ZNF516: variants seen among roughly 807,000 people sequenced by gnomAD.
ZNF516 encodes the protein zinc finger protein 516.
Under a neutral mutation model 79.7 loss-of-function variants are expected in ZNF516, and 19 were observed. The ratio of observed to expected loss-of-function variants is 0.24; its 90% CI spans 0.17 to 0.35. The LOEUF is 0.35. Ranked by LOEUF, ZNF516 falls within the 10% of genes least tolerant of loss-of-function variation. The pLI is 1.00. For synonymous variants in ZNF516, 877 were observed against 739.5 expected (o/e 1.19, Z -3.02); for missense variants, 1,678 against 1,679.5 (o/e 1.00, Z 0.02).
chr18:76,442,959 G>C lies in ZNF516; in HGVS notation c.96C>G (p.Thr32=). 4.4e-6 allele frequency: 7 copies of C among 1,608,668 alleles called. No homozygotes were observed. The highest frequency in any genetic ancestry group is 5.1e-6 in the Non-Finnish European group (6 of 1,179,782). Residue 32 remains threonine (T), a synonymous_variant, in exon 3 of 7, where the codon ACC becomes ACG. Coordinates refer to ENST00000443185, the MANE Select transcript of ZNF516 (RefSeq NM_014643.4). The part of the protein sequence containing the change: ...RGHEVDGDKA[T]CHTCCICGKS... ...TGCCGCAGATGCAGCAGGTGTGGCA[G>C]GTAGCCTTGTCCCCATCCACCTCGT...
At chr18:76,457,991 A>G (rs1912834220) in intron 2 of ZNF516, among the ~76,000 whole-genome samples, 1 of 152,182 alleles carries the variant, frequency 6.6e-6, no homozygotes, top group South Asian at 2.1e-4. Flanking sequence ...CTTTGCAGCT[A>G]CTTATTTGCA....
chr18:76,437,219 C>A lies in ZNF516; in HGVS notation c.1810+4026G>T, dbSNP rs2075754664. Among the ~76,000 whole-genome samples the A allele has an allele frequency of 2.0e-5, 3 of 152,198 alleles. No homozygotes were observed. In the South Asian group the frequency reaches 6.2e-4, roughly 32 times the overall value. On this transcript the variant is annotated intron_variant, in intron 3 of 6. Coordinates refer to ENST00000443185, the MANE Select transcript of ZNF516 (RefSeq NM_014643.4). ...CATGACTGCAGCCTGGCCTTCCTCACAGCCAGCGCACCAGCACGGACAGCC... is the reference window on the plus strand; with the variant it reads ...CATGACTGCAGCCTGGCCTTCCTCAAAGCCAGCGCACCAGCACGGACAGCC...
At chr18:76,495,775 C>A, upstream of ZNF516, 2 of 1,136,278 alleles carry the variant, frequency 1.8e-6, no homozygotes, top group South Asian at 1.7e-5. Context: ...GACACCCCTT[C>A]GGGGGTCCCA....
rs536312174 is a variant in ZNF516, at chr18:76,475,555, T to C, written c.-271-12414A>G. 3.3e-4 allele frequency among the ~76,000 whole-genome samples: 51 copies of C among 152,288 alleles called. 1 individual carries two copies. The highest frequency in any genetic ancestry group is 1.2e-3 in the African/African-American group (48 of 41,546). Reference sequence around the variant, plus strand: ...TATATTAGTAAAGTTCCCTGCACGCTAAGAGAAAGCTGATAGCAGCCCAAA... The same window carrying C: ...TATATTAGTAAAGTTCCCTGCACGCCAAGAGAAAGCTGATAGCAGCCCAAA... On this transcript the variant is annotated intron_variant, in intron 1 of 6. Coordinates refer to ENST00000443185, the MANE Select transcript of ZNF516 (RefSeq NM_014643.4).
chr18:76,390,907 A>G (rs1260623147), intron 3 of ZNF516, among the ~76,000 whole-genome samples: 2 of 152,110 alleles, frequency 1.3e-5, no homozygotes, highest in Non-Finnish European at 2.9e-5. Context: ...ACGAAACCTG[A>G]GGCACAAAGC....
At chr18:76,490,926 T>A (rs1239309787) in intron 1 of ZNF516, 1 of 985,402 alleles carries the variant, frequency 1.0e-6, no homozygotes, top group East Asian at 1.1e-4. Context: ...CCGGCCTCTT[T>A]ACCGCGGAGA....
chr18:76,489,944 T>G (rs1915065089), intron 1 of ZNF516, among the ~76,000 whole-genome samples: 1 of 152,238 alleles, frequency 6.6e-6, no homozygotes, highest in South Asian at 2.1e-4. Flanking sequence ...CCATTCCTCT[T>G]GGTTAGTTTT....
chr18:76,450,188 G>GGC (rs1912314908), intron 2 of ZNF516, among the ~76,000 whole-genome samples: 1 of 143,068 alleles, frequency 7.0e-6, no homozygotes. Context: ...AACTAAAGGG[G>GGC]GGGGGGTGTT....
At chr18:76,491,162 G>A (rs1276428845) in intron 1 of ZNF516, 1 of 939,002 alleles carries the variant, frequency 1.1e-6, no homozygotes, top group African/African-American at 1.8e-5. Flanking sequence ...AATTACCTGG[G>A]CTCCGCCGCG....
At chr18:76,423,148 C>G (rs8083783) in intron 3 of ZNF516, among the ~76,000 whole-genome samples, 151,699 of 152,316 alleles carry the variant, frequency 1, 75,545 homozygotes, top group Middle Eastern at 1. Flanking sequence ...GTCCACAACA[C>G]AATTTACACG....
chr18:76,412,315 G>C (rs777219187), intron 3 of ZNF516, among the ~76,000 whole-genome samples: 1 of 152,104 alleles, frequency 6.6e-6, no homozygotes, highest in South Asian at 2.1e-4. Context: ...GGACGTACAC[G>C]GCACCCAAAG....
At chr18:76,486,374 C>CAAAG (rs5826460) in intron 1 of ZNF516, among the ~76,000 whole-genome samples, 79,946 of 151,674 alleles carry the variant, frequency 0.53, 23,305 homozygotes, top group Non-Finnish European at 0.64. Flanking sequence ...TTTTCTGAAA[C>CAAAG]AAAAAAATTC....
At chr18:76,415,879 A>G (rs1332450089) in intron 3 of ZNF516, among the ~76,000 whole-genome samples, 2 of 152,198 alleles carry the variant, frequency 1.3e-5, no homozygotes, top group East Asian at 1.9e-4. Context: ...GAAAGTTAGC[A>G]TCTCTCTTAC....
intron 1 of ZNF516, among the ~76,000 whole-genome samples, chr18:76,489,001 G>A (rs1292482630): frequency 6.6e-6 from 1 of 152,174 alleles, no homozygotes; most frequent in Admixed American, 6.5e-5. Flanking sequence ...ATACAGGAAA[G>A]TGCACACGTT....
intron 6 of ZNF516, among the ~76,000 whole-genome samples, chr18:76,369,250 T>G (rs2074664444): frequency 6.6e-6 from 1 of 152,232 alleles, no homozygotes; most frequent in Non-Finnish European, 1.5e-5. Flanking sequence ...AGCAAGATGT[T>G]TTACTTACTT....
At chr18:76,418,619 G>GA (rs531875024) in intron 3 of ZNF516, among the ~76,000 whole-genome samples, 95 of 149,078 alleles carry the variant, frequency 6.4e-4, no homozygotes, top group African/African-American at 1.8e-3. Flanking sequence ...CTTAAAATAT[G>GA]AAAAAAAAAC....
chr18:76,377,731 T>C (rs2074811239), intron 4 of ZNF516, among the ~76,000 whole-genome samples: 1 of 151,200 alleles, frequency 6.6e-6, no homozygotes, highest in South Asian at 2.1e-4. Context: ...TTTTTTTTTT[T>C]TTGAGATGGA....
chr18:76,464,491 G>A (rs912623739), intron 1 of ZNF516, among the ~76,000 whole-genome samples: 5 of 152,272 alleles, frequency 3.3e-5, no homozygotes, highest in Admixed American at 3.3e-4. Context: ...GGAGACAAAG[G>A]TGCAGAGCCC....
chr18:76,459,499 C>G lies in ZNF516; in HGVS notation c.-158+3529G>C, dbSNP rs1912963134. Among the ~76,000 whole-genome samples the G allele has an allele frequency of 6.6e-6, 1 of 152,344 alleles. No homozygotes were observed. The highest frequency in any genetic ancestry group is 6.5e-5 in the Admixed American group (1 of 15,308). On this transcript the variant is annotated intron_variant, in intron 2 of 6. Transcript: ENST00000443185. This position sits in a 1 kb window ranked among gnomAD's most constrained non-coding sequence, Gnocchi z 5.0. ...AGCTCAGCCCAGGATTTGTGCCATT[C>G]AGGACGTGGCGGCCGTGTGCACCCC... is the stretch of plus-strand genomic sequence containing the variant.
Sources: gnomAD v4.1 joint callset for allele counts (sites outside exome capture counted in the v4.1 genomes callset) on GRCh38, gnomAD v4.1.1 for gene constraint, Gnocchi (gnomAD v3.1) non-coding constraint, MANE v1.5 for transcripts, NCBI Gene and HGNC (gene_info 2026-07-23, HGNC 2026-07-21) for gene names.